Variants in CDKAL1 observed in about 807,000 individuals in gnomAD.
CDKAL1 encodes the protein CDKAL1 threonylcarbamoyladenosine tRNA methylthiotransferase.
Under a neutral mutation model 68.2 loss-of-function variants are expected in CDKAL1, and 32 were observed. The observed-to-expected ratio is 0.47, with a 90% CI of 0.35 to 0.63. CDKAL1 has a LOEUF of 0.63. Ranked by LOEUF, CDKAL1 falls within the 30% of genes least tolerant of loss-of-function variation. The pLI is 0.00. For missense variants in CDKAL1, 606 were observed against 696.7 expected (o/e 0.87, Z 1.47); for synonymous variants, 234 against 244.3 (o/e 0.96, Z 0.39).
intron 11 of CDKAL1, among the ~76,000 whole-genome samples, chr6:21,013,877 T>C (rs939752442): frequency 2.6e-5 from 4 of 152,166 alleles, no homozygotes; most frequent in African/African-American, 7.2e-5. Context: ...TAGATAGATA[T>C]CACTTTCTCA....
chr6:20,843,617 T>C (rs1778260812), intron 8 of CDKAL1, among the ~76,000 whole-genome samples: 1 of 152,220 alleles, frequency 6.6e-6, no homozygotes, highest in Non-Finnish European at 1.5e-5. Flanking sequence ...ATTTTGTGCA[T>C]GAAGCAAAAT....
intron 15 of CDKAL1, among the ~76,000 whole-genome samples, chr6:21,203,691 CTTTTTTTT>C (rs915087377): frequency 1.1e-4 from 10 of 94,098 alleles, no homozygotes; most frequent in South Asian, 3.3e-4. Flanking sequence ...CACTTGACCT[CTTTTTTTT>C]TTTTTTTTTT....
chr6:20,573,432 T>G (rs888427770), intron 4 of CDKAL1, among the ~76,000 whole-genome samples: 1 of 152,194 alleles, frequency 6.6e-6, no homozygotes, highest in Admixed American at 6.5e-5. Context: ...TCCAAAAAGA[T>G]GGCAGATGGA....
rs951622779 is a variant in CDKAL1, at chr6:21,127,932, G to C, written c.1299+19469G>C. Reference sequence around the variant, plus strand: ...GCCATTTAACTACCTGGATGACCCTGAATAAGTTATTTATTTTCTTTGATC... The same window carrying C: ...GCCATTTAACTACCTGGATGACCCTCAATAAGTTATTTATTTTCTTTGATC... On this transcript the variant is annotated intron_variant, in intron 13 of 15. Coordinates refer to ENST00000274695, the MANE Select transcript of CDKAL1 (RefSeq NM_017774.3). Among the ~76,000 whole-genome samples, 33 of 152,174 alleles carry C rather than the reference G, an allele frequency of 2.2e-4. 1 individual carries two copies. The highest frequency in any genetic ancestry group is 4.1e-4 in the South Asian group (2 of 4,826).
At chr6:20,646,116 G>A (rs1375967704) in intron 4 of CDKAL1, among the ~76,000 whole-genome samples, 1 of 140,210 alleles carries the variant, frequency 7.1e-6, no homozygotes, top group Non-Finnish European at 1.5e-5. Context: ...GAGTGCAGTG[G>A]TGCAATCTCA....
chr6:20,833,067 TC>T (rs1777783913), intron 8 of CDKAL1, among the ~76,000 whole-genome samples: 1 of 152,224 alleles, frequency 6.6e-6, no homozygotes, highest in Admixed American at 6.5e-5. Flanking sequence ...AATCCCAGTT[TC>T]CACGAAAATG....
At chr6:20,579,365 TATGTAA>T (rs1270688619) in intron 4 of CDKAL1, among the ~76,000 whole-genome samples, 2 of 152,174 alleles carry the variant, frequency 1.3e-5, no homozygotes, top group Non-Finnish European at 2.9e-5. Context: ...AAAAAAAGCA[TATGTAA>T]ATTGTGCTTA....
At chr6:21,194,028 T>G (rs1402529556) in intron 13 of CDKAL1, among the ~76,000 whole-genome samples, 1 of 152,188 alleles carries the variant, frequency 6.6e-6, no homozygotes, top group Non-Finnish European at 1.5e-5. Flanking sequence ...AGAAGGGCTT[T>G]CAAAGAGACC....
intron 4 of CDKAL1, among the ~76,000 whole-genome samples, chr6:20,637,689 C>T (rs1257731241): frequency 6.6e-6 from 1 of 152,138 alleles, no homozygotes; most frequent in Non-Finnish European, 1.5e-5. Context: ...AAGTAGAAGT[C>T]ATACAAGGAA....
chr6:20,822,807 A>G (rs1265880371), intron 8 of CDKAL1, among the ~76,000 whole-genome samples: 2 of 152,062 alleles, frequency 1.3e-5, no homozygotes, highest in Admixed American at 6.6e-5. Flanking sequence ...ACCTTCCACC[A>G]TGATTTAAGT....
chr6:20,786,701 A>G (rs1364979588), intron 8 of CDKAL1, among the ~76,000 whole-genome samples: 2 of 151,738 alleles, frequency 1.3e-5, no homozygotes, highest in Non-Finnish European at 2.9e-5. Flanking sequence ...GTTTCACCGT[A>G]TTAACCAGGA....
intron 15 of CDKAL1, among the ~76,000 whole-genome samples, chr6:21,219,040 C>T (rs1779440806): frequency 6.6e-6 from 1 of 152,006 alleles, no homozygotes; most frequent in South Asian, 2.1e-4. Context: ...ATGGGCATGT[C>T]TTGGAACAGA....
intron 5 of CDKAL1, among the ~76,000 whole-genome samples, chr6:20,653,569 A>G (rs2876582): frequency 0.14 from 21,510 of 151,300 alleles, 1,734 homozygotes; most frequent in East Asian, 0.38. Context: ...CTCCTGCCTC[A>G]GCCTCCCGGG....
At chr6:20,540,820 T>C (rs1340055801) in intron 2 of CDKAL1, among the ~76,000 whole-genome samples, 1 of 152,200 alleles carries the variant, frequency 6.6e-6, no homozygotes, top group African/African-American at 2.4e-5. Context: ...GAATAGGCAG[T>C]TGAACGTCTG....
intron 10 of CDKAL1, among the ~76,000 whole-genome samples, chr6:20,984,906 A>G (rs1766370453): frequency 6.6e-6 from 1 of 152,070 alleles, no homozygotes; most frequent in African/African-American, 2.4e-5. Context: ...CTGCAGTTCC[A>G]GGCTTGAGGA....
chr6:20,926,261 C>A (rs537364739), intron 9 of CDKAL1, among the ~76,000 whole-genome samples: 27 of 151,922 alleles, frequency 1.8e-4, no homozygotes, highest in African/African-American at 6.3e-4. Flanking sequence ...GGACACTGAC[C>A]CAGCAGGAAA....
At chr6:20,960,999 T>C (rs1765028203) in intron 10 of CDKAL1, among the ~76,000 whole-genome samples, 1 of 152,188 alleles carries the variant, frequency 6.6e-6, no homozygotes, top group Non-Finnish European at 1.5e-5. Flanking sequence ...AAATCTCCAC[T>C]AGAGAGGATA....
Position 20,692,043 on chromosome 6 carries a change from T to C in CDKAL1, c.371+42666T>C, listed in dbSNP as rs145531747. Among the ~76,000 whole-genome samples the C allele has an allele frequency of 1.3e-3, 200 of 152,332 alleles. 4 individuals carry two copies. In the East Asian group the frequency reaches 0.036, roughly 27 times the overall value. On this transcript the variant is annotated intron_variant, in intron 5 of 15. Transcript: ENST00000274695. ...AAAATTTTGTAGAACTTTTGTCTTA[T>C]AGGATTTGTTGTATAGGCATGGCAG...
At chr6:20,770,000 C>T (rs1201018219) in intron 7 of CDKAL1, among the ~76,000 whole-genome samples, 1 of 152,150 alleles carries the variant, frequency 6.6e-6, no homozygotes, top group Non-Finnish European at 1.5e-5. Flanking sequence ...AAGATCACTG[C>T]TCACTTTTTT....
Sources: allele counts gnomAD v4.1 joint callset (sites outside exome capture counted in the v4.1 genomes callset), GRCh38; gene constraint gnomAD v4.1.1; transcripts MANE v1.5; gene names NCBI Gene and HGNC (gene_info 2026-07-23, HGNC 2026-07-21).